Variants in SCRG1 observed in about 807,000 individuals in gnomAD.
SCRG1 encodes stimulator of chondrogenesis 1.
In SCRG1, 3 loss-of-function variants were observed where a neutral mutation model predicts 7.7. The observed-to-expected ratio is 0.39, with a 90% CI of 0.18 to 1.01. The LOEUF is 1.01. Among genes scored for constraint, SCRG1 ranks in the 50% least tolerant of loss-of-function variants. The probability of loss-of-function intolerance (pLI) is 0.36; values close to 1 mark genes in which losing one functional copy is unlikely to be tolerated. For missense variants in SCRG1, 110 were observed against 117.2 expected (o/e 0.94, Z 0.28); for synonymous variants, 46 against 41.2 (o/e 1.12, Z -0.44).
chr4:173,462,527 A>G, the SCRG1 span, among the ~76,000 whole-genome samples: 1 of 152,230 alleles, frequency 6.6e-6, no homozygotes, highest in South Asian at 2.1e-4. Context: ...GAATTTCATT[A>G]ATACCAGACC....
the SCRG1 span, among the ~76,000 whole-genome samples, chr4:173,421,022 T>C: frequency 1.3e-5 from 2 of 152,196 alleles, no homozygotes; most frequent in African/African-American, 2.4e-5. Context: ...CCACAAATCA[T>C]AAGCCATGAT....
the SCRG1 span, among the ~76,000 whole-genome samples, chr4:173,494,377 C>G: frequency 2.6e-5 from 4 of 152,158 alleles, no homozygotes; most frequent in African/African-American, 4.8e-5. Flanking sequence ...CAGGACATTC[C>G]GTTTTCCTTT....
chr4:173,476,366 A>G, the SCRG1 span, among the ~76,000 whole-genome samples: 1 of 137,528 alleles, frequency 7.3e-6, no homozygotes, highest in African/African-American at 2.7e-5. Flanking sequence ...AAAAAAAAAT[A>G]TATATATATA....
At chr4:173,414,869 G>A in the SCRG1 span, among the ~76,000 whole-genome samples, 3 of 152,150 alleles carry the variant, frequency 2.0e-5, no homozygotes, top group Non-Finnish European at 4.4e-5. Context: ...AGTTGACATC[G>A]TGCACTCCTT....
At chr4:173,451,621 TTTTACTTACTTATTTTA>T in the SCRG1 span, among the ~76,000 whole-genome samples, 13 of 61,062 alleles carry the variant, frequency 2.1e-4, no homozygotes, top group Admixed American at 3.0e-4. Flanking sequence ...TTTTATTTTA[TTTTACTTACTTATTTTA>T]TTTATTTATT....
At chr4:173,438,393 G>C in the SCRG1 span, among the ~76,000 whole-genome samples, 6 of 152,124 alleles carry the variant, frequency 3.9e-5, no homozygotes, top group African/African-American at 1.4e-4. Context: ...AAATTGCTGG[G>C]ATAACAGGCG....
chr4:173,478,898 G>T, the SCRG1 span, among the ~76,000 whole-genome samples: 1 of 152,138 alleles, frequency 6.6e-6, no homozygotes, highest in African/African-American at 2.4e-5. Context: ...ACCATGTTTG[G>T]TTACTGGTGT....
the SCRG1 span, among the ~76,000 whole-genome samples, chr4:173,470,823 T>TA: frequency 6.6e-6 from 1 of 152,186 alleles, no homozygotes; most frequent in Non-Finnish European, 1.5e-5. Context: ...ATAAACTTCA[T>TA]AAAAATCAGT....
chr4:173,395,793 G>C (rs1356261931), intron 1 of SCRG1, among the ~76,000 whole-genome samples: 1 of 152,206 alleles, frequency 6.6e-6, no homozygotes, highest in Non-Finnish European at 1.5e-5. Flanking sequence ...TGGATATGGG[G>C]AGTGGGAAAT....
chr4:173,410,526 T>C (rs897103063), upstream of SCRG1, among the ~76,000 whole-genome samples: 68 of 152,180 alleles, frequency 4.5e-4, no homozygotes, highest in African/African-American at 1.6e-3. Flanking sequence ...GACTACTACC[T>C]TTGGACTAAG....
chr4:173,394,883 T>A (rs1027311476), intron 1 of SCRG1, among the ~76,000 whole-genome samples: 4 of 152,224 alleles, frequency 2.6e-5, no homozygotes, highest in African/African-American at 7.2e-5. Flanking sequence ...ATTTTAGTAA[T>A]ATAGTAGTCA....
the SCRG1 span, among the ~76,000 whole-genome samples, chr4:173,471,850 T>C: frequency 1.3e-5 from 2 of 152,168 alleles, no homozygotes; most frequent in Non-Finnish European, 2.9e-5. Flanking sequence ...GCTGGGATTA[T>C]AGGCATGCCC....
At chr4:173,498,930 C>A in the SCRG1 span, among the ~76,000 whole-genome samples, 1 of 152,112 alleles carries the variant, frequency 6.6e-6, no homozygotes, top group Non-Finnish European at 1.5e-5. Flanking sequence ...TCATGCATGC[C>A]ACTAGAATGC....
the SCRG1 span, among the ~76,000 whole-genome samples, chr4:173,499,072 C>T: frequency 6.6e-6 from 1 of 152,108 alleles, no homozygotes; most frequent in Non-Finnish European, 1.5e-5. The surrounding 1 kb of genome is among the most constrained non-coding windows in gnomAD (Gnocchi z 4.1). Flanking sequence ...CAAATGGGAG[C>T]CCTAAGAATT....
At chr4:173,479,030 C>T in the SCRG1 span, among the ~76,000 whole-genome samples, 1 of 152,192 alleles carries the variant, frequency 6.6e-6, no homozygotes, top group Non-Finnish European at 1.5e-5. Flanking sequence ...CCGTCATTCC[C>T]ACAGTAAGGC....
chr4:173,413,947 A>T, the SCRG1 span, among the ~76,000 whole-genome samples: 1 of 152,206 alleles, frequency 6.6e-6, no homozygotes, highest in African/African-American at 2.4e-5. Context: ...CAACAACCTG[A>T]TTATGAATTT....
the SCRG1 span, among the ~76,000 whole-genome samples, chr4:173,471,868 C>T: frequency 6.6e-6 from 1 of 152,188 alleles, no homozygotes; most frequent in Non-Finnish European, 1.5e-5. Flanking sequence ...CCCCACCACG[C>T]CCAGCTAATT....
At chr4:173,490,564 C>T in the SCRG1 span, among the ~76,000 whole-genome samples, 1 of 152,120 alleles carries the variant, frequency 6.6e-6, no homozygotes. Context: ...CCACAAGTTC[C>T]CATTTCACGT....
the SCRG1 span, among the ~76,000 whole-genome samples, chr4:173,494,438 A>G: frequency 1.3e-5 from 2 of 152,196 alleles, no homozygotes; most frequent in South Asian, 2.1e-4. Context: ...AAGCAAATCT[A>G]TGTTTCCAAA....
Sources: gnomAD v4.1 joint callset for allele counts (sites outside exome capture counted in the v4.1 genomes callset) on GRCh38, gnomAD v4.1.1 for gene constraint, Gnocchi (gnomAD v3.1) non-coding constraint, MANE v1.5 for transcripts, NCBI Gene and HGNC (gene_info 2026-07-23, HGNC 2026-07-21) for gene names.